The following PRKN variants were observed in gnomAD, a reference collection of about 807,000 sequenced individuals.
PRKN encodes the protein E3 ubiquitin-protein ligase parkin.
In PRKN, 56 loss-of-function variants were observed where a neutral mutation model predicts 59.5. The observed-to-expected ratio is 0.94, with a 90% confidence interval of 0.76 to 1.18. The LOEUF (loss-of-function observed/expected upper bound fraction) is 1.18, where lower values mean the gene tolerates loss of function less well. Ranked by LOEUF, PRKN falls within the 50% of genes most tolerant of loss-of-function variation. The pLI, the probability that PRKN is intolerant of heterozygous loss-of-function variation, is 0.00. For missense variants in PRKN, 657 were observed against 596.4 expected, an observed-to-expected ratio of 1.10 and a Z score of -1.06; for synonymous variants, 250 against 222.1, an observed-to-expected ratio of 1.13 and a Z score of -1.12.
intron 2 of PRKN, among the ~76,000 whole-genome samples, chr6:162,407,684 G>C (rs1172778712): frequency 6.6e-6 from 1 of 152,066 alleles, no homozygotes; most frequent in Non-Finnish European, 1.5e-5. Flanking sequence ...TGAATGAAGG[G>C]CTAATGACTG....
intron 1 of PRKN, among the ~76,000 whole-genome samples, chr6:162,453,033 A>C (rs1790699909): frequency 1.3e-5 from 2 of 152,320 alleles, no homozygotes; most frequent in Non-Finnish European, 2.9e-5. Context: ...CCACTTGAAA[A>C]GGTGGATCGC....
chr6:161,944,280 G>T lies in PRKN; in HGVS notation c.734+29022C>A, dbSNP rs12663260. 2.6e-4 allele frequency among the ~76,000 whole-genome samples: 39 copies of T among 152,300 alleles called. No individual in the cohort carries two copies. The East Asian group carries it at 7.5e-3, about 29-fold the overall frequency. On this transcript the variant is annotated intron_variant, in intron 6 of 11. Coordinates refer to ENST00000366898, the MANE Select transcript of PRKN (RefSeq NM_004562.3). ...TGTCCCTGAAACTCTGCAATGGGGGGCTTAAGGAATGTGATAGCTTGACAA... is the reference window on the plus strand; with the variant it reads ...TGTCCCTGAAACTCTGCAATGGGGGTCTTAAGGAATGTGATAGCTTGACAA...
At chr6:161,865,184 C>T (rs548897243) in intron 6 of PRKN, among the ~76,000 whole-genome samples, 58 of 152,198 alleles carry the variant, frequency 3.8e-4, no homozygotes, top group African/African-American at 1.3e-3. Context: ...GAAAGGAACC[C>T]TTCTTTCTGA....
intron 2 of PRKN, among the ~76,000 whole-genome samples, chr6:162,421,784 T>A (rs1201626027): frequency 6.6e-6 from 1 of 152,172 alleles, no homozygotes; most frequent in Non-Finnish European, 1.5e-5. Context: ...CATTACATAA[T>A]GTTGACCAGT....
intron 5 of PRKN, among the ~76,000 whole-genome samples, chr6:161,975,775 A>G (rs1562432092): frequency 6.6e-6 from 1 of 152,166 alleles, no homozygotes; most frequent in Non-Finnish European, 1.5e-5. Flanking sequence ...AGCTCCACCA[A>G]TGTCAGAGGC....
At chr6:162,527,774 ACTTTCTTCCCATCAGGCG>A (rs1778348007) in intron 1 of PRKN, among the ~76,000 whole-genome samples, 1 of 152,172 alleles carries the variant, frequency 6.6e-6, no homozygotes, top group Admixed American at 6.5e-5. Flanking sequence ...TCTCATCAGC[ACTTTCTTCCCATCAGGCG>A]CTTTACATAC....
At chr6:161,443,606 T>C (rs146101307) in intron 9 of PRKN, among the ~76,000 whole-genome samples, 2 of 151,970 alleles carry the variant, frequency 1.3e-5, no homozygotes, top group African/African-American at 4.8e-5. Flanking sequence ...TAATGGTAAA[T>C]AGATAACCCA....
At chr6:162,725,052 T>A (rs1372472576) in intron 1 of PRKN, among the ~76,000 whole-genome samples, 1 of 152,244 alleles carries the variant, frequency 6.6e-6, no homozygotes, top group African/African-American at 2.4e-5. Flanking sequence ...CCTCCGTTTG[T>A]GAAGTGTGTA....
rs56722608 is a variant in PRKN at position 162,672,685 on chromosome 6, A to AGTGTGT, written c.7+54971_7+54976dup. ...TCATTATAGAAAGTTTTGGGGGAAA[A>AGTGTGT]GTGTGTGTGTGTGTGTGTGTGTGTG... On this transcript the variant is annotated intron_variant, in intron 1 of 11. Coordinates refer to ENST00000366898, the MANE Select transcript of PRKN (RefSeq NM_004562.3). 3.2e-3 allele frequency among the ~76,000 whole-genome samples: 479 copies of AGTGTGT among 149,164 alleles called. 2 individuals carry two copies. The highest frequency in any genetic ancestry group is 6.8e-3 in the Middle Eastern group (2 of 292).
At chr6:161,556,124 T>C (rs1365360522) in intron 8 of PRKN, among the ~76,000 whole-genome samples, 1 of 152,216 alleles carries the variant, frequency 6.6e-6, no homozygotes, top group Non-Finnish European at 1.5e-5. Context: ...TGGTCTCAAA[T>C]ATTGATGGAA....
At chr6:161,688,367 G>A (rs930739941) in intron 7 of PRKN, among the ~76,000 whole-genome samples, 5 of 152,128 alleles carry the variant, frequency 3.3e-5, no homozygotes, top group African/African-American at 1.2e-4. Flanking sequence ...GAGTATTCTG[G>A]GCTCCCAAAA....
At chr6:162,225,550 C>T (rs1331206674) in intron 3 of PRKN, among the ~76,000 whole-genome samples, 1 of 152,144 alleles carries the variant, frequency 6.6e-6, no homozygotes, top group Non-Finnish European at 1.5e-5. Flanking sequence ...TAACCTGACA[C>T]TGATGTGGCC....
At chr6:162,495,171 TAATGAAAAAAG>T (rs1793001547) in intron 1 of PRKN, among the ~76,000 whole-genome samples, 1 of 152,242 alleles carries the variant, frequency 6.6e-6, no homozygotes, top group Non-Finnish European at 1.5e-5. Context: ...CAGCTCTTAC[TAATGAAAAAAG>T]TTATTCAAAG....
intron 6 of PRKN, among the ~76,000 whole-genome samples, chr6:161,786,969 G>A (rs1036368877): frequency 2.6e-5 from 4 of 151,948 alleles, no homozygotes; most frequent in African/African-American, 9.7e-5. Context: ...ACAAGTTTAT[G>A]TCAAACAGGA....
Position 161,498,341 on chromosome 6 carries a change from C to A in PRKN, c.1083+50513G>T, listed in dbSNP as rs1397264151. On this transcript the variant is annotated intron_variant, in intron 9 of 11. Transcript: ENST00000366898. This position sits in a 1 kb window ranked among gnomAD's most constrained non-coding sequence, Gnocchi z 4.2. The stretch of plus-strand genomic sequence containing the variant: ...TATGTTACTCCTCTCCTCAACGATC[C>A]CATTATAATTCCTATTCCTCAGTAA... 2.6e-5 allele frequency among the ~76,000 whole-genome samples: 4 copies of A among 151,938 alleles called. No homozygotes were observed. Among genetic ancestry groups the A allele is most frequent in the South Asian group, 2.1e-4 (1 of 4,792 alleles).
At chr6:161,697,897 A>C (rs772885393) in intron 7 of PRKN, among the ~76,000 whole-genome samples, 3 of 152,090 alleles carry the variant, frequency 2.0e-5, no homozygotes, top group Non-Finnish European at 4.4e-5. Flanking sequence ...CATTTTTATT[A>C]GTTTTCCCTC....
At chr6:162,449,531 A>G (rs1234828656) in intron 1 of PRKN, among the ~76,000 whole-genome samples, 1 of 152,106 alleles carries the variant, frequency 6.6e-6, no homozygotes, top group Non-Finnish European at 1.5e-5. Flanking sequence ...AAGCATTTTT[A>G]TAGCTCGTTT....
At position 161,973,325 on chromosome 6, in the gene PRKN, A is replaced by G; in HGVS notation, c.711T>C (p.Thr237=). ...ACCTGACGTCTGTGCACGTAATGCA[A>G]GTGATGTTCCGACTATTTGTTGCGA... The part of the protein sequence containing the change: ...HLIATNSRNI[T]CITCTDVRSP... Residue 237 remains threonine (T), a synonymous_variant, in exon 6 of 12, where the codon ACT becomes ACC. Transcript: ENST00000366898. 6.2e-7 allele frequency: 1 copy of G among 1,612,786 alleles called. No homozygotes were observed. The highest frequency in any genetic ancestry group is 8.5e-7 in the Non-Finnish European group (1 of 1,178,764).
intron 6 of PRKN, among the ~76,000 whole-genome samples, chr6:161,881,917 C>A (rs1335743526): frequency 6.6e-6 from 1 of 152,112 alleles, no homozygotes; most frequent in Non-Finnish European, 1.5e-5. Context: ...CAGTGGCCAG[C>A]TAGGACAGGC....
Sources: allele counts gnomAD v4.1 joint callset (sites outside exome capture counted in the v4.1 genomes callset), GRCh38; gene constraint gnomAD v4.1.1; non-coding constraint Gnocchi (gnomAD v3.1); transcripts MANE v1.5; gene names NCBI Gene and HGNC (gene_info 2026-07-23, HGNC 2026-07-21).